SHTN1: variants seen among roughly 807,000 people sequenced by gnomAD.
SHTN1 encodes shootin 1.
In SHTN1, 42 loss-of-function variants were observed where a neutral mutation model predicts 83.1. The ratio of observed to expected loss-of-function variants is 0.51; its 90% CI spans 0.39 to 0.65. SHTN1 has a LOEUF of 0.65. Ranked by LOEUF, SHTN1 falls within the 30% of genes least tolerant of loss-of-function variation. The probability of loss-of-function intolerance (pLI) is 0.00; values close to 1 mark genes in which losing one functional copy is unlikely to be tolerated. For missense variants in SHTN1, 622 were observed against 737.8 expected (o/e 0.84, Z 1.82); for synonymous variants, 224 against 247.7 (o/e 0.90, Z 0.90).
intron 2 of SHTN1, among the ~76,000 whole-genome samples, chr10:116,976,744 T>A (rs960602571): frequency 6.8e-6 from 1 of 147,482 alleles, no homozygotes; most frequent in African/African-American, 2.4e-5. Flanking sequence ...ACAGCCCCCC[T>A]TTTTTGAGGA....
In SHTN1 at chr10:116,996,146, G is replaced by C. The variant is rs186348696; in HGVS notation, c.58+8876C>G. Among the ~76,000 whole-genome samples, 372 of 152,284 alleles carry C rather than the reference G, an allele frequency of 2.4e-3. 2 individuals carry two copies. Among genetic ancestry groups the C allele is most frequent in the African/African-American group, 8.4e-3 (351 of 41,560 alleles). The stretch of plus-strand genomic sequence containing the variant: ...CTGGTCTTACTGATTCTTTTTGGTA[G>C]AAATTAGTGTGAGAGAGGAAAAATA... On this transcript the variant is annotated intron_variant, in intron 1 of 16. Transcript: ENST00000355371.
chr10:117,112,635 T>A (rs1321504954), intron 1 of SHTN1, among the ~76,000 whole-genome samples: 3 of 152,222 alleles, frequency 2.0e-5, no homozygotes, highest in African/African-American at 7.2e-5. Flanking sequence ...GCTCCAGAGT[T>A]AATGAGAAAT....
intron 9 of SHTN1, among the ~76,000 whole-genome samples, chr10:116,933,461 T>C (rs1223255367): frequency 6.6e-6 from 1 of 152,178 alleles, no homozygotes; most frequent in African/African-American, 2.4e-5. Flanking sequence ...AATGATGGTT[T>C]CCAGCTTCAT....
intron 15 of SHTN1, 126 bp downstream of exon 15, chr10:116,906,499 TTC>T: frequency 1.1e-6 from 1 of 904,824 alleles, no homozygotes; most frequent in Non-Finnish European, 1.6e-6. Flanking sequence ...CATCCCATAC[TTC>T]TCACTCACAT....
chr10:117,001,912 T>C (rs1229471740), intron 1 of SHTN1, among the ~76,000 whole-genome samples: 1 of 152,172 alleles, frequency 6.6e-6, no homozygotes, highest in Non-Finnish European at 1.5e-5. Context: ...AGGACCCATA[T>C]GATGAAACCT....
chr10:117,024,144 A>C (rs1226379434), intron 2 of SHTN1, among the ~76,000 whole-genome samples: 1 of 152,086 alleles, frequency 6.6e-6, no homozygotes, highest in Non-Finnish European at 1.5e-5. Context: ...GCGGCCTTAC[A>C]CAAGAGTACA....
chr10:117,011,244 C>G (rs1238414849), intron 2 of SHTN1, among the ~76,000 whole-genome samples: 4 of 152,158 alleles, frequency 2.6e-5, no homozygotes, highest in East Asian at 3.9e-4. Context: ...AAGTTTAGGT[C>G]TTTGGTCCAT....
intron 1 of SHTN1, among the ~76,000 whole-genome samples, chr10:117,086,917 G>A (rs1853360635): frequency 6.6e-6 from 1 of 152,186 alleles, no homozygotes; most frequent in African/African-American, 2.4e-5. Flanking sequence ...AATATTATTT[G>A]CCATAAAAAG....
At chr10:117,000,123 T>C (rs114931251) in intron 1 of SHTN1, among the ~76,000 whole-genome samples, 35 of 152,232 alleles carry the variant, frequency 2.3e-4, no homozygotes, top group African/African-American at 8.2e-4. Flanking sequence ...GTACCACACT[T>C]TGAAAAATAC....
chr10:116,901,232 T>C, intron 16 of SHTN1: 1 of 985,266 alleles, frequency 1.0e-6, no homozygotes, highest in Non-Finnish European at 1.2e-6. Context: ...AATAGCAGGA[T>C]TAACTCTTTG....
intron 9 of SHTN1, 73 bp downstream of exon 9, chr10:116,940,393 C>A: frequency 7.0e-7 from 1 of 1,438,020 alleles, no homozygotes; most frequent in South Asian, 1.4e-5. Flanking sequence ...GCACTGGCTC[C>A]CTTCATCTTA....
intron 1 of SHTN1, among the ~76,000 whole-genome samples, chr10:117,086,078 G>A (rs565323398): frequency 2.6e-4 from 39 of 151,970 alleles, no homozygotes; most frequent in Non-Finnish European, 4.3e-4. Flanking sequence ...GTGCCACCAC[G>A]CCCAGCTAAT....
intron 1 of SHTN1, among the ~76,000 whole-genome samples, chr10:117,061,309 G>C (rs956866020): frequency 4.6e-5 from 7 of 151,340 alleles, no homozygotes; most frequent in African/African-American, 1.7e-4. Context: ...CGATTCTCCT[G>C]CCTCAGCCTC....
At chr10:117,092,185 C>T (rs956564111) in intron 1 of SHTN1, among the ~76,000 whole-genome samples, 3 of 152,136 alleles carry the variant, frequency 2.0e-5, no homozygotes, top group Non-Finnish European at 4.4e-5. Flanking sequence ...TGCAAATAAC[C>T]GATGTTTAAG....
At chr10:117,077,758 T>C (rs1232293351) in intron 1 of SHTN1, among the ~76,000 whole-genome samples, 2 of 152,158 alleles carry the variant, frequency 1.3e-5, no homozygotes, top group Non-Finnish European at 2.9e-5. Flanking sequence ...GATAGTTTGC[T>C]GAGAATGATG....
At chr10:117,119,926 G>A (rs555074614) in intron 1 of SHTN1, among the ~76,000 whole-genome samples, 4 of 151,812 alleles carry the variant, frequency 2.6e-5, no homozygotes, top group Non-Finnish European at 4.4e-5. Flanking sequence ...TAAGCCAGGC[G>A]CAGAGAGACA....
At chr10:117,053,165 A>C (rs7922228) in intron 1 of SHTN1, among the ~76,000 whole-genome samples, 134,063 of 151,294 alleles carry the variant, frequency 0.89, 60,719 homozygotes, top group Non-Finnish European at 0.98. Context: ...GTATTCATAG[A>C]AGAAAGAATA....
At chr10:116,978,546 T>C (rs1278786775) in intron 2 of SHTN1, among the ~76,000 whole-genome samples, 1 of 151,786 alleles carries the variant, frequency 6.6e-6, no homozygotes, top group Non-Finnish European at 1.5e-5. Context: ...TCTACGTTTC[T>C]GACCTTAGTC....
intron 5 of SHTN1, among the ~76,000 whole-genome samples, chr10:116,952,765 A>C (rs74895127): frequency 0.012 from 1,821 of 152,336 alleles, 40 homozygotes; most frequent in African/African-American, 0.041. Flanking sequence ...CTTAGGTTTT[A>C]ACTGCCTTTA....
Sources: allele counts gnomAD v4.1 joint callset (sites outside exome capture counted in the v4.1 genomes callset), GRCh38; gene constraint gnomAD v4.1.1; transcripts MANE v1.5; gene names NCBI Gene and HGNC (gene_info 2026-07-23, HGNC 2026-07-21).